The following CAPZB variants were observed in gnomAD, a reference collection of about 807,000 sequenced individuals.
CAPZB encodes the protein capping actin protein of muscle Z-line subunit beta.
Under a neutral mutation model 38.1 loss-of-function variants are expected in CAPZB, and 2 were observed. That is an observed-to-expected ratio of 0.05 (90% confidence interval 0.02 to 0.17). The LOEUF is 0.17. Ranked by LOEUF, CAPZB falls within the 10% of genes least tolerant of loss-of-function variation. CAPZB has a pLI of 1.00. For synonymous variants in CAPZB, 107 were observed against 127.4 expected (o/e 0.84, Z 1.08); for missense variants, 161 against 334.2 (o/e 0.48, Z 4.04).
chr1:19,439,889 T>C (rs984976466), intron 1 of CAPZB, among the ~76,000 whole-genome samples: 1 of 152,214 alleles, frequency 6.6e-6, no homozygotes, highest in African/African-American at 2.4e-5. Flanking sequence ...TTTGGTTTTG[T>C]TTGTGCTTTT....
At chr1:19,461,588 C>T (rs1356678563) in intron 1 of CAPZB, among the ~76,000 whole-genome samples, 1 of 152,248 alleles carries the variant, frequency 6.6e-6, no homozygotes, top group Non-Finnish European at 1.5e-5. Flanking sequence ...GGGCCATTGC[C>T]CCCTTGACTT....
intron 1 of CAPZB, among the ~76,000 whole-genome samples, chr1:19,451,412 G>A (rs757747611): frequency 1.4e-4 from 21 of 152,206 alleles, no homozygotes; most frequent in Non-Finnish European, 2.5e-4. Flanking sequence ...GGACAATCCC[G>A]AAATTGGCAA....
intron 4 of CAPZB, among the ~76,000 whole-genome samples, chr1:19,360,018 G>A (rs778667853): frequency 6.6e-6 from 1 of 152,196 alleles, no homozygotes; most frequent in Non-Finnish European, 1.5e-5. Context: ...GGCCCACACA[G>A]AGTTGGAGAG....
intron 1 of CAPZB, among the ~76,000 whole-genome samples, chr1:19,422,324 C>A (rs949968075): frequency 6.6e-6 from 1 of 152,136 alleles, no homozygotes; most frequent in Admixed American, 6.6e-5. Flanking sequence ...AAGAATCACC[C>A]GGCCCAAACG....
At chr1:19,362,133 T>C (rs1437216321) in intron 4 of CAPZB, among the ~76,000 whole-genome samples, 2 of 152,136 alleles carry the variant, frequency 1.3e-5, no homozygotes, top group African/African-American at 4.8e-5. Context: ...AAGAGGAAAA[T>C]CCCAGAGAGT....
At chr1:19,353,321 TC>T (rs1231842125) in intron 6 of CAPZB, among the ~76,000 whole-genome samples, 3 of 152,094 alleles carry the variant, frequency 2.0e-5, no homozygotes, top group Non-Finnish European at 4.4e-5. Context: ...AGGCCAGGTT[TC>T]CAGAGGAAAA....
intron 4 of CAPZB, among the ~76,000 whole-genome samples, chr1:19,374,830 GGTGGGAGAGCT>G (rs1472644074): frequency 6.6e-6 from 1 of 152,246 alleles, no homozygotes; most frequent in Non-Finnish European, 1.5e-5. Flanking sequence ...ACAGAAGATA[GGTGGGAGAGCT>G]GTGGCCTTGC....
At position 19,339,080 on chromosome 1, in the gene CAPZB, G is replaced by A; in HGVS notation, c.*450C>T. Reference sequence around the variant, plus strand: ...CTGTCCCCACGACCCCCAACCCCAAGCAACTCCCAAACACACACGGAATAA... The same window carrying A: ...CTGTCCCCACGACCCCCAACCCCAAACAACTCCCAAACACACACGGAATAA... On this transcript the variant is annotated 3_prime_UTR_variant, in exon 9 of 9. Coordinates refer to ENST00000264202, the MANE Select transcript of CAPZB (RefSeq NM_004930.5). 2.3e-5 allele frequency: 3 copies of A among 130,674 alleles called. No homozygotes were observed. In the Admixed American group the frequency reaches 2.7e-4, roughly 12 times the overall value. The allele number at this position is 130,674 out of a possible 1,614,324, so 8.1% of individuals were successfully genotyped here. A position where few individuals can be genotyped will look rare whatever the true frequency, so the allele number is the denominator to read the frequency against.
intron 4 of CAPZB, among the ~76,000 whole-genome samples, chr1:19,358,998 T>C (rs982434035): frequency 2.0e-5 from 3 of 152,178 alleles, no homozygotes; most frequent in Non-Finnish European, 4.4e-5. Flanking sequence ...ACCAGCGGTG[T>C]GAATATGGGC....
rs1406115372 is a variant in CAPZB at position 19,356,366 on chromosome 1, A to C, written c.588+269T>G. Among the ~76,000 whole-genome samples, 3 of 152,080 alleles carry C rather than the reference A, an allele frequency of 2.0e-5. No homozygotes were observed. The highest frequency in any genetic ancestry group is 6.6e-5 in the Admixed American group (1 of 15,264). ...GCACAACATGAGCTGAAGCATGGGG[A>C]TGTGCGGGGCCCTGAGGGGTAAGGA... On this transcript the variant is annotated intron_variant, in intron 6 of 8. Transcript: ENST00000264202. The surrounding 1 kb of genome is among the most constrained non-coding windows in gnomAD (Gnocchi z 4.3).
chr1:19,480,500 T>A (rs899760150), intron 1 of CAPZB, among the ~76,000 whole-genome samples: 1 of 152,170 alleles, frequency 6.6e-6, no homozygotes, highest in African/African-American at 2.4e-5. Flanking sequence ...CACTCAGTGT[T>A]TATGTAGCTG....
intron 1 of CAPZB, among the ~76,000 whole-genome samples, chr1:19,466,033 A>G (rs12066114): frequency 0.27 from 40,739 of 152,114 alleles, 5,465 homozygotes; most frequent in East Asian, 0.39. Context: ...AAGGGAACAA[A>G]GATTTAAACC....
intron 1 of CAPZB, among the ~76,000 whole-genome samples, chr1:19,470,162 T>C (rs1223016046): frequency 6.6e-6 from 1 of 152,140 alleles, no homozygotes; most frequent in Non-Finnish European, 1.5e-5. Context: ...GAGGCTGCAG[T>C]GTGCTGTCAC....
chr1:19,379,256 G>A (rs1022626138), intron 3 of CAPZB, among the ~76,000 whole-genome samples: 12 of 152,070 alleles, frequency 7.9e-5, no homozygotes, highest in Non-Finnish European at 1.2e-4. Flanking sequence ...AAGCCACCAG[G>A]CCCAGCTAAT....
At chr1:19,414,946 C>T (rs1443353808) in intron 2 of CAPZB, among the ~76,000 whole-genome samples, 1 of 152,238 alleles carries the variant, frequency 6.6e-6, no homozygotes, top group Admixed American at 6.5e-5. Flanking sequence ...CCAATCAGAG[C>T]AGGCCTCATA....
At chr1:19,449,079 T>A in intron 1 of CAPZB, 2 of 1,441,788 alleles carry the variant, frequency 1.4e-6, no homozygotes, top group Middle Eastern at 2.6e-4. Context: ...GCTGGCCAGA[T>A]GGTTTTCATT....
chr1:19,441,602 C>T (rs1002381768), intron 1 of CAPZB, among the ~76,000 whole-genome samples: 1 of 151,408 alleles, frequency 6.6e-6, no homozygotes, highest in Non-Finnish European at 1.5e-5. Flanking sequence ...CTCAGAACTA[C>T]GGAACTGAAG....
chr1:19,432,122 T>A (rs2094444497), intron 1 of CAPZB, among the ~76,000 whole-genome samples: 1 of 151,592 alleles, frequency 6.6e-6, no homozygotes, highest in South Asian at 2.1e-4. Flanking sequence ...ATTATTAGCA[T>A]TAACAATGGC....
In CAPZB at chr1:19,379,102, T is replaced by TTC. The variant is rs1304577045; in HGVS notation, c.216-450_216-449insGA. Among the ~76,000 whole-genome samples the TTC allele has an allele frequency of 1.7e-4, 25 of 145,604 alleles. 1 individual carries two copies. The South Asian group carries it at 1.7e-3, about 10-fold the overall frequency. ...TCACCACCTATTTTTTTTTCTTTCT[T>TTC]TTTTTTTTTTTTTTAAGACAGAGTC... is the stretch of plus-strand genomic sequence containing the variant. On this transcript the variant is annotated intron_variant, in intron 3 of 8. Transcript: ENST00000264202.
Sources: allele counts gnomAD v4.1 joint callset (sites outside exome capture counted in the v4.1 genomes callset), GRCh38; gene constraint gnomAD v4.1.1; non-coding constraint Gnocchi (gnomAD v3.1); transcripts MANE v1.5; gene names NCBI Gene and HGNC (gene_info 2026-07-23, HGNC 2026-07-21).